Variants in FBXL7 observed in about 807,000 individuals in gnomAD.
FBXL7 encodes the protein F-box/LRR-repeat protein 7.
A neutral mutation model predicts 38.3 loss-of-function variants in FBXL7; 12 were observed. That is an observed-to-expected ratio of 0.31 (90% CI 0.20 to 0.51). The LOEUF (loss-of-function observed/expected upper bound fraction) is 0.51. Ranked by LOEUF, FBXL7 falls within the 20% of genes least tolerant of loss-of-function variation. FBXL7 has a pLI of 0.98. For synonymous variants in FBXL7, 297 were observed against 300.9 expected, an observed-to-expected ratio of 0.99 and a Z score of 0.13; for missense variants, 567 against 676.4, an observed-to-expected ratio of 0.84 and a Z score of 1.79.
intron 2 of FBXL7, among the ~76,000 whole-genome samples, chr5:15,848,643 G>T (rs1409179040): frequency 6.6e-6 from 1 of 152,136 alleles, no homozygotes; most frequent in South Asian, 2.1e-4. Flanking sequence ...GTCTCCCAAA[G>T]AGCTGGGATT....
intron 2 of FBXL7, among the ~76,000 whole-genome samples, chr5:15,823,297 A>C (rs1738222220): frequency 6.6e-6 from 1 of 152,202 alleles, no homozygotes; most frequent in Non-Finnish European, 1.5e-5. Flanking sequence ...TTCTTTAATC[A>C]TTCCCATACT....
intron 1 of FBXL7, among the ~76,000 whole-genome samples, chr5:15,522,534 A>G (rs1737129223): frequency 6.6e-6 from 1 of 152,176 alleles, no homozygotes; most frequent in Admixed American, 6.5e-5. Context: ...GGAGCCCCCA[A>G]ACTGTTCAGA....
At chr5:15,932,987 G>A (rs1579614248) in intron 3 of FBXL7, among the ~76,000 whole-genome samples, 1 of 151,920 alleles carries the variant, frequency 6.6e-6, no homozygotes, top group African/African-American at 2.4e-5. Context: ...CTGTAGTCTG[G>A]TTGTACAAGT....
intron 2 of FBXL7, among the ~76,000 whole-genome samples, chr5:15,914,312 G>A (rs1741524891): frequency 6.6e-6 from 1 of 151,518 alleles, no homozygotes; most frequent in Non-Finnish European, 1.5e-5. Flanking sequence ...TGTGAACCTG[G>A]GAGGCAGAGC....
In FBXL7 at chr5:15,768,647, G is replaced by T. The variant is rs947780283; in HGVS notation, c.127+152575G>T. ...AAAGGTTATTGAAAAGTTTGAGTGG[G>T]GGTGAACTGCCTTCTTCTGGGATGG... On this transcript the variant is annotated intron_variant, in intron 2 of 3. Coordinates refer to ENST00000504595, the MANE Select transcript of FBXL7 (RefSeq NM_012304.5). Among the ~76,000 whole-genome samples, 8 of 152,316 alleles carry T rather than the reference G, an allele frequency of 5.3e-5. No homozygotes were observed. In the East Asian group the frequency reaches 1.5e-3, roughly 29 times the overall value.
intron 2 of FBXL7, among the ~76,000 whole-genome samples, chr5:15,900,358 C>A (rs1290535441): frequency 6.6e-6 from 1 of 152,146 alleles, no homozygotes; most frequent in Non-Finnish European, 1.5e-5. Context: ...TAACATCAAT[C>A]TATACCAAAG....
At chr5:15,611,428 G>A (rs574848082) in intron 1 of FBXL7, among the ~76,000 whole-genome samples, 10 of 151,524 alleles carry the variant, frequency 6.6e-5, no homozygotes, top group South Asian at 2.1e-4. Flanking sequence ...CTGTGATGTC[G>A]CCAATATGTG....
intron 2 of FBXL7, among the ~76,000 whole-genome samples, chr5:15,693,906 C>T (rs1743255834): frequency 6.6e-6 from 1 of 152,198 alleles, no homozygotes; most frequent in Admixed American, 6.5e-5. Flanking sequence ...ACCTTGCACT[C>T]ATTCTCCAAG....
intron 2 of FBXL7, among the ~76,000 whole-genome samples, chr5:15,881,161 CTT>C (rs1286450186): frequency 5.3e-5 from 8 of 151,920 alleles, no homozygotes; most frequent in Admixed American, 4.6e-4. Flanking sequence ...AATGTGTAGT[CTT>C]TTATCCCTCA....
intron 2 of FBXL7, among the ~76,000 whole-genome samples, chr5:15,711,693 A>G (rs547728411): frequency 6.6e-6 from 1 of 152,310 alleles, no homozygotes; most frequent in South Asian, 2.1e-4. Context: ...ATCCCAAAAG[A>G]CACCATCCTG....
chr5:15,617,323 T>C (rs1182978351), intron 2 of FBXL7, among the ~76,000 whole-genome samples: 1 of 152,180 alleles, frequency 6.6e-6, no homozygotes, highest in African/African-American at 2.4e-5. Context: ...CAGGTAGCAA[T>C]CCAGTTTTAA....
Position 15,761,961 on chromosome 5 carries a change from A to C in FBXL7, c.127+145889A>C, listed in dbSNP as rs536583426. Among the ~76,000 whole-genome samples, 12 of 152,328 alleles carry C rather than the reference A, an allele frequency of 7.9e-5. 1 individual carries two copies. The highest frequency in any genetic ancestry group is 2.9e-4 in the African/African-American group (12 of 41,566). Reference sequence around the variant, plus strand: ...CAAGTTATCAATTGCTGTGTAACAAATAACCCCAAAAAACTTAGCAGCATC... The same window carrying C: ...CAAGTTATCAATTGCTGTGTAACAACTAACCCCAAAAAACTTAGCAGCATC... On this transcript the variant is annotated intron_variant, in intron 2 of 3. Transcript: ENST00000504595.
At chr5:15,718,217 G>A (rs1376662118) in intron 2 of FBXL7, among the ~76,000 whole-genome samples, 1 of 152,138 alleles carries the variant, frequency 6.6e-6, no homozygotes, top group Non-Finnish European at 1.5e-5. Flanking sequence ...GTGGTAAAAT[G>A]TTAAACAATT....
intron 2 of FBXL7, among the ~76,000 whole-genome samples, chr5:15,649,267 G>A (rs949479250): frequency 3.9e-5 from 6 of 152,144 alleles, no homozygotes; most frequent in African/African-American, 1.4e-4. Flanking sequence ...AAAGTGCTGG[G>A]ATTACAGGTG....
intron 2 of FBXL7, among the ~76,000 whole-genome samples, chr5:15,842,234 G>A (rs1380349928): frequency 6.6e-6 from 1 of 152,196 alleles, no homozygotes; most frequent in African/African-American, 2.4e-5. Context: ...TGACCTGGAT[G>A]TGGGATATAG....
chr5:15,870,347 A>C (rs2126823527), intron 2 of FBXL7, among the ~76,000 whole-genome samples: 1 of 152,238 alleles, frequency 6.6e-6, no homozygotes, highest in African/African-American at 2.4e-5. Context: ...AAGAGGCTTA[A>C]AGACCATGCT....
chr5:15,750,463 G>A (rs1272329302), intron 2 of FBXL7, among the ~76,000 whole-genome samples: 1 of 152,140 alleles, frequency 6.6e-6, no homozygotes, highest in Non-Finnish European at 1.5e-5. Context: ...TAGTAGCTTG[G>A]TTTAGTGTAA....
chr5:15,505,065 G>A (rs758384379), intron 1 of FBXL7, among the ~76,000 whole-genome samples: 1 of 152,168 alleles, frequency 6.6e-6, no homozygotes, highest in East Asian at 1.9e-4. Flanking sequence ...ATCTCAGATC[G>A]GTGCTGTCAG....
At chr5:15,521,941 A>T (rs1465024019) in intron 1 of FBXL7, among the ~76,000 whole-genome samples, 2 of 152,252 alleles carry the variant, frequency 1.3e-5, no homozygotes, top group African/African-American at 4.8e-5. Context: ...TTTTAATAGT[A>T]ATTAGAAAAT....
Sources: gnomAD v4.1 joint callset for allele counts (sites outside exome capture counted in the v4.1 genomes callset) on GRCh38, gnomAD v4.1.1 for gene constraint, MANE v1.5 for transcripts, NCBI Gene and HGNC (gene_info 2026-07-23, HGNC 2026-07-21) for gene names.